Variants in ARHGAP28 observed in about 807,000 individuals in gnomAD.
ARHGAP28 encodes rho GTPase-activating protein 28.
In ARHGAP28, 56 loss-of-function variants were observed where a neutral mutation model predicts 90.7. That is an observed-to-expected ratio of 0.62 (90% CI 0.50 to 0.77). ARHGAP28 has a LOEUF of 0.77. Ranked by LOEUF, ARHGAP28 falls within the 30% of genes least tolerant of loss-of-function variation. The pLI is 0.00. For missense variants in ARHGAP28, 869 were observed against 900.9 expected, an observed-to-expected ratio of 0.96 and a Z score of 0.45; for synonymous variants, 308 against 323.3, an observed-to-expected ratio of 0.95 and a Z score of 0.51.
At chr18:6,879,142 G>T (rs1305018953) in intron 10 of ARHGAP28, among the ~76,000 whole-genome samples, 1 of 152,164 alleles carries the variant, frequency 6.6e-6, no homozygotes, top group Non-Finnish European at 1.5e-5. Flanking sequence ...TGAGGCCTCA[G>T]CTCATTTGGA....
chr18:6,736,557 T>C (rs2055929138), intron 1 of ARHGAP28, among the ~76,000 whole-genome samples: 1 of 148,710 alleles, frequency 6.7e-6, no homozygotes, highest in South Asian at 2.2e-4. Context: ...CTGACTAACA[T>C]GGTGAAACCC....
intron 3 of ARHGAP28, among the ~76,000 whole-genome samples, chr18:6,841,199 CT>C (rs1567966796): frequency 1.3e-4 from 8 of 62,306 alleles, no homozygotes; most frequent in South Asian, 8.3e-4. Context: ...CTCTCTCTCT[CT>C]CTCCTCTCCT....
At chr18:6,865,788 T>C (rs2057033811) in intron 5 of ARHGAP28, among the ~76,000 whole-genome samples, 1 of 152,136 alleles carries the variant, frequency 6.6e-6, no homozygotes, top group Non-Finnish European at 1.5e-5. Context: ...TACTCTACTT[T>C]CCAATCCTAG....
chr18:6,889,946 T>C lies in ARHGAP28; in HGVS notation c.1595T>C (p.Leu532Pro), dbSNP rs777396655. 1 of 1,614,220 alleles carries C rather than the reference T, an allele frequency of 6.2e-7. No individual in the cohort carries two copies. Among genetic ancestry groups the C allele is most frequent in the South Asian group, 1.1e-5 (1 of 91,090 alleles). Residue 532 changes from leucine to proline, a missense_variant, in exon 13 of 18, where the codon CTG (leucine) becomes CCG (proline). Coordinates refer to ENST00000383472, the MANE Select transcript of ARHGAP28 (RefSeq NM_001366230.1). The stretch of plus-strand genomic sequence containing the variant: ...AATGAATCAAAAAACCGAATGAGTC[T>C]GTGGAACATTTCTACAGTGATGGCA... ...IANESKNRMS[L>P]WNISTVMAPN...
intron 1 of ARHGAP28, among the ~76,000 whole-genome samples, chr18:6,768,176 T>C (rs2056214561): frequency 6.6e-6 from 1 of 152,224 alleles, no homozygotes; most frequent in South Asian, 2.1e-4. Flanking sequence ...TCTCTCCTCT[T>C]ATTTTTCTTT....
intron 1 of ARHGAP28, among the ~76,000 whole-genome samples, chr18:6,797,802 C>T (rs1412652048): frequency 2.6e-5 from 4 of 151,984 alleles, no homozygotes; most frequent in African/African-American, 7.3e-5. Context: ...GCTGTGGTTA[C>T]AGTCACGCGC....
chr18:6,828,133 G>A (rs1358857770), intron 2 of ARHGAP28, among the ~76,000 whole-genome samples: 1 of 152,178 alleles, frequency 6.6e-6, no homozygotes, highest in African/African-American at 2.4e-5. Flanking sequence ...CAGATCACTC[G>A]CGGTTAGGAG....
In ARHGAP28 at chr18:6,823,657, C is replaced by T. The variant is rs1013006853; in HGVS notation, c.123-1105C>T. ...CATTTTATTTAGGGACATATTTAAA[C>T]CTCTTAAGCCTGTAACATATTTTCT... On this transcript the variant is annotated intron_variant, in intron 1 of 17. Coordinates refer to ENST00000383472, the MANE Select transcript of ARHGAP28 (RefSeq NM_001366230.1). Among the ~76,000 whole-genome samples the T allele has an allele frequency of 2.1e-5, 3 of 145,818 alleles. No homozygotes were observed. In the Admixed American group the frequency reaches 2.1e-4, roughly 10 times the overall value.
At chr18:6,874,319 A>G (rs752176768) in intron 9 of ARHGAP28, among the ~76,000 whole-genome samples, 7 of 152,264 alleles carry the variant, frequency 4.6e-5, no homozygotes, top group African/African-American at 7.2e-5. Flanking sequence ...GTCTGGGCAG[A>G]TAGGATACAT....
intron 9 of ARHGAP28, among the ~76,000 whole-genome samples, chr18:6,875,888 GTTAC>G: frequency 6.6e-6 from 1 of 152,302 alleles, no homozygotes; most frequent in East Asian, 1.9e-4. Flanking sequence ...AGTCAGTGCC[GTTAC>G]TTACGAGGTT....
chr18:6,910,465 A>G lies in ARHGAP28; in HGVS notation c.2095+1441A>G, dbSNP rs183695732. ...AAACACTAAACCTGTAAATCCAATC[A>G]CCTGACAGGGTTGGATCTGGGGCCT... is the stretch of plus-strand genomic sequence containing the variant. On this transcript the variant is annotated intron_variant, in intron 17 of 17. Coordinates refer to ENST00000383472, the MANE Select transcript of ARHGAP28 (RefSeq NM_001366230.1). Among the ~76,000 whole-genome samples the G allele has an allele frequency of 3.0e-3, 452 of 151,872 alleles. 4 individuals are homozygous for G. Among genetic ancestry groups the G allele is most frequent in the African/African-American group, 9.9e-3 (411 of 41,424 alleles).
intron 1 of ARHGAP28, chr18:6,730,221 G>GTGTATATATATATATATATATATATA (rs146889070): frequency 6.4e-5 from 11 of 172,250 alleles, no homozygotes; most frequent in African/African-American, 3.2e-4. Context: ...TAAGTCATGT[G>GTGTATATATATATATATATATATATA]TATATATATA....
At chr18:6,784,683 G>T (rs2056352776) in intron 1 of ARHGAP28, among the ~76,000 whole-genome samples, 1 of 152,174 alleles carries the variant, frequency 6.6e-6, no homozygotes. Flanking sequence ...GCAGTAGGAG[G>T]TACATAACAA....
At chr18:6,750,437 C>G (rs904057218) in intron 1 of ARHGAP28, among the ~76,000 whole-genome samples, 1 of 152,178 alleles carries the variant, frequency 6.6e-6, no homozygotes, top group African/African-American at 2.4e-5. Flanking sequence ...AGCCTCTTCC[C>G]CAATCTTCAC....
At chr18:6,834,674 A>T (rs943089066) in intron 2 of ARHGAP28, 1 of 152,236 alleles carries the variant, frequency 6.6e-6, no homozygotes, top group Non-Finnish European at 1.5e-5. Context: ...ACAGCAATCC[A>T]CAAGAGAGAG....
intron 14 of ARHGAP28, among the ~76,000 whole-genome samples, chr18:6,891,932 G>C (rs17516451): frequency 0.23 from 34,738 of 151,908 alleles, 4,462 homozygotes; most frequent in Non-Finnish European, 0.29. Flanking sequence ...TGTGAAAGGA[G>C]GAAGAGTGAA....
chr18:6,856,993 CTGA>C (rs1352260074), intron 4 of ARHGAP28, among the ~76,000 whole-genome samples: 2 of 152,116 alleles, frequency 1.3e-5, no homozygotes, highest in African/African-American at 4.8e-5. Context: ...TGATGTTCAC[CTGA>C]TGATGGACAT....
At chr18:6,870,457 C>G in intron 6 of ARHGAP28, 133 bp from the exon 7 acceptor site, 1 of 901,864 alleles carries the variant, frequency 1.1e-6, no homozygotes, top group African/African-American at 1.7e-5. Flanking sequence ...GAGTCTGCTG[C>G]TTTTCCTCGC....
At chr18:6,761,330 A>G (rs137904900) in intron 1 of ARHGAP28, among the ~76,000 whole-genome samples, 236 of 152,354 alleles carry the variant, frequency 1.5e-3, no homozygotes, top group African/African-American at 5.3e-3. Flanking sequence ...ATATTACATT[A>G]AAATGTTTTT....
Sources: allele counts gnomAD v4.1 joint callset (sites outside exome capture counted in the v4.1 genomes callset), GRCh38; gene constraint gnomAD v4.1.1; transcripts MANE v1.5; gene names NCBI Gene and HGNC (gene_info 2026-07-23, HGNC 2026-07-21).